Variants in ZNF804A observed in about 807,000 individuals in gnomAD.
ZNF804A encodes zinc finger protein 804A.
In ZNF804A, 2 loss-of-function variants were observed where a neutral mutation model predicts 16.5. The ratio of observed to expected loss-of-function variants is 0.12; its 90% CI spans 0.05 to 0.38. The LOEUF is 0.38. Ranked by LOEUF, ZNF804A falls within the 10% of genes least tolerant of loss-of-function variation. The pLI is 0.99. For synonymous variants in ZNF804A, 534 were observed against 489.6 expected, an observed-to-expected ratio of 1.09 and a Z score of -1.20; for missense variants, 1,473 against 1,390.7, an observed-to-expected ratio of 1.06 and a Z score of -0.94.
At chr2:184,916,217 G>A (rs1685447657) in intron 2 of ZNF804A, among the ~76,000 whole-genome samples, 1 of 152,140 alleles carries the variant, frequency 6.6e-6, no homozygotes, top group South Asian at 2.1e-4. Flanking sequence ...AACAGTAATA[G>A]TGGATAATAT....
chr2:184,728,986 A>T (rs1016597302), intron 1 of ZNF804A, among the ~76,000 whole-genome samples: 1 of 151,916 alleles, frequency 6.6e-6, no homozygotes, highest in Non-Finnish European at 1.5e-5. Context: ...GGATCTAAAA[A>T]TGTCCAATTC....
At chr2:184,738,124 C>CA (rs1357834022) in intron 1 of ZNF804A, among the ~76,000 whole-genome samples, 64 of 115,928 alleles carry the variant, frequency 5.5e-4, no homozygotes, top group African/African-American at 2.3e-3. Context: ...GGAACTTTGT[C>CA]TAAAAAAAAA....
intron 2 of ZNF804A, among the ~76,000 whole-genome samples, chr2:184,898,209 G>C (rs1685120062): frequency 6.6e-6 from 1 of 152,058 alleles, no homozygotes. Flanking sequence ...TAGAGCATTA[G>C]AAATTTCTTG....
At chr2:184,651,676 C>A (rs990149792) in intron 1 of ZNF804A, among the ~76,000 whole-genome samples, 14 of 152,010 alleles carry the variant, frequency 9.2e-5, no homozygotes, top group Admixed American at 2.0e-4. Context: ...AAGTGGCCAA[C>A]AAACATGAAA....
At chr2:184,913,148 T>C (rs1685389538) in intron 2 of ZNF804A, among the ~76,000 whole-genome samples, 1 of 152,114 alleles carries the variant, frequency 6.6e-6, no homozygotes, top group South Asian at 2.1e-4. Flanking sequence ...TTTGCAAACT[T>C]AGCTTAACTT....
At chr2:184,764,906 C>G (rs4278895) in intron 1 of ZNF804A, among the ~76,000 whole-genome samples, 50,661 of 151,804 alleles carry the variant, frequency 0.33, 11,802 homozygotes, top group African/African-American at 0.66. Context: ...ACTGCTCCAA[C>G]TAAATTTTAA....
In ZNF804A at chr2:184,866,395, A is replaced by G; in HGVS notation, c.138A>G (p.Ile46Met). The stretch of plus-strand genomic sequence containing the variant: ...ACTATGCTGAGAAGGAAAATACCAT[A>G]GCAAAAGCTCTGGAAGATCTGAAGG... Reference protein sequence around the residue: ...TLDYAEKENTIAKALEDLKAN... With the variant: ...TLDYAEKENTMAKALEDLKAN... The change falls in exon 2 of 4, where the codon ATA becomes ATG. Residue 46 changes from isoleucine (I) to methionine (M), a missense_variant. Transcript: ENST00000302277. 6.2e-7 allele frequency: 1 copy of G among 1,613,326 alleles called. No individual in the cohort carries two copies.
At chr2:184,880,150 T>C (rs1220917592) in intron 2 of ZNF804A, among the ~76,000 whole-genome samples, 2 of 151,998 alleles carry the variant, frequency 1.3e-5, no homozygotes, top group Non-Finnish European at 2.9e-5. Context: ...GATGGAGCCC[T>C]TTTGGGAAAA....
chr2:184,603,361 A>C (rs538993231), intron 1 of ZNF804A, among the ~76,000 whole-genome samples: 129 of 152,184 alleles, frequency 8.5e-4, no homozygotes, highest in Non-Finnish European at 1.6e-3. Context: ...GGACGTTGTC[A>C]TGTGTGTTAA....
At chr2:184,855,014 T>A (rs565969482) in intron 1 of ZNF804A, among the ~76,000 whole-genome samples, 58 of 152,198 alleles carry the variant, frequency 3.8e-4, no homozygotes, top group African/African-American at 1.2e-3. Context: ...ATCAATGTAT[T>A]TCCCAAAGTT....
At chr2:184,686,762 T>C (rs1237014122) in intron 1 of ZNF804A, among the ~76,000 whole-genome samples, 1 of 152,256 alleles carries the variant, frequency 6.6e-6, no homozygotes, top group East Asian at 1.9e-4. Flanking sequence ...TATCTCATTG[T>C]GGTTTTGATT....
At chr2:184,813,993 CTTTTTTTTTTTTTTTTT>C (rs1163432699) in intron 1 of ZNF804A, among the ~76,000 whole-genome samples, 2 of 49,186 alleles carry the variant, frequency 4.1e-5, no homozygotes, top group Admixed American at 5.8e-4. Flanking sequence ...AGAAAGGCAG[CTTTTTTTTTTTTTTTTT>C]TTTTTTTTTT....
chr2:184,810,475 G>A (rs1268214875), intron 1 of ZNF804A, among the ~76,000 whole-genome samples: 1 of 122,636 alleles, frequency 8.2e-6, no homozygotes, highest in Non-Finnish European at 1.8e-5. Context: ...ACATTTTTAT[G>A]TTCTTTTCCT....
chr2:184,699,022 G>A (rs1017965853), intron 1 of ZNF804A, among the ~76,000 whole-genome samples: 1 of 152,062 alleles, frequency 6.6e-6, no homozygotes, highest in African/African-American at 2.4e-5. Context: ...ACTTTATCAT[G>A]AAGTGCATAG....
chr2:184,877,016 TA>T (rs912262438), intron 2 of ZNF804A, among the ~76,000 whole-genome samples: 10 of 151,970 alleles, frequency 6.6e-5, no homozygotes, highest in Admixed American at 2.0e-4. Context: ...TTATATGCAT[TA>T]AAAAAAACTA....
intron 2 of ZNF804A, among the ~76,000 whole-genome samples, chr2:184,871,122 A>G (rs1025605277): frequency 2.0e-5 from 3 of 151,308 alleles, no homozygotes; most frequent in South Asian, 2.1e-4. Flanking sequence ...ATCTTCCACA[A>G]TACAATTTTC....
intron 1 of ZNF804A, among the ~76,000 whole-genome samples, chr2:184,847,512 A>G (rs1695538541): frequency 6.6e-6 from 1 of 152,110 alleles, no homozygotes; most frequent in South Asian, 2.1e-4. Context: ...TCACCCAGAA[A>G]CAGTCGCCCT....
In ZNF804A at chr2:184,672,229, A is replaced by G. The variant is rs150474814; in HGVS notation, c.111+73159A>G. Among the ~76,000 whole-genome samples, 22 of 152,320 alleles carry G rather than the reference A, an allele frequency of 1.4e-4. No individual in the cohort carries two copies. The East Asian group carries it at 3.7e-3, about 25-fold the overall frequency. ...TTTGTACTATCTTTGCTTATTGCAT[A>G]TGTTTTATGCTCTATGGTCCTAACA... On this transcript the variant is annotated intron_variant, in intron 1 of 3. Coordinates refer to ENST00000302277, the MANE Select transcript of ZNF804A (RefSeq NM_194250.2).
intron 1 of ZNF804A, among the ~76,000 whole-genome samples, chr2:184,690,240 T>C (rs1402166155): frequency 2.0e-5 from 3 of 151,572 alleles, no homozygotes; most frequent in Non-Finnish European, 4.4e-5. Flanking sequence ...ATCATAAATA[T>C]GACAGGGATA....
Sources: gnomAD v4.1 joint callset for allele counts (sites outside exome capture counted in the v4.1 genomes callset) on GRCh38, gnomAD v4.1.1 for gene constraint, MANE v1.5 for transcripts, NCBI Gene and HGNC (gene_info 2026-07-23, HGNC 2026-07-21) for gene names.